Variants in CTNNA3 observed in about 807,000 individuals in gnomAD.
CTNNA3 encodes catenin alpha 3.
A neutral mutation model predicts 95.7 loss-of-function variants in CTNNA3; 76 were observed. The observed-to-expected ratio is 0.79, with a 90% CI of 0.66 to 0.96. CTNNA3 has a LOEUF of 0.96. CTNNA3 is among the 40% of genes least tolerant of loss of function. CTNNA3 has a pLI of 0.00. For missense variants in CTNNA3, 1,191 were observed against 1,089.8 expected, an observed-to-expected ratio of 1.09 and a Z score of -1.31; for synonymous variants, 431 against 374.4, an observed-to-expected ratio of 1.15 and a Z score of -1.74.
At chr10:67,427,367 G>C (rs961707001) in intron 5 of CTNNA3, among the ~76,000 whole-genome samples, 1 of 151,910 alleles carries the variant, frequency 6.6e-6, no homozygotes. Flanking sequence ...GATATGCCAG[G>C]GGAAGGGAGT....
At chr10:66,408,568 A>G (rs997642891) in intron 11 of CTNNA3, among the ~76,000 whole-genome samples, 1 of 152,138 alleles carries the variant, frequency 6.6e-6, no homozygotes, top group Non-Finnish European at 1.5e-5. Context: ...AATTTTAATC[A>G]TCCTTAAGCT....
chr10:67,169,142 G>A (rs763099521), intron 7 of CTNNA3, among the ~76,000 whole-genome samples: 18 of 152,038 alleles, frequency 1.2e-4, no homozygotes, highest in Admixed American at 3.9e-4. Context: ...CAGTGAAGAC[G>A]CAAACAAATG....
intron 15 of CTNNA3, among the ~76,000 whole-genome samples, chr10:66,052,514 G>A (rs2079979922): frequency 6.6e-6 from 1 of 152,146 alleles, no homozygotes; most frequent in South Asian, 2.1e-4. Context: ...CTCAGTGTGT[G>A]CATGTTGTAC....
At chr10:67,421,863 G>T (rs2132869952) in intron 5 of CTNNA3, among the ~76,000 whole-genome samples, 1 of 152,136 alleles carries the variant, frequency 6.6e-6, no homozygotes, top group African/African-American at 2.4e-5. Context: ...GGTGGCATTA[G>T]AATAAACTCA....
At chr10:67,328,418 T>C (rs1310849477) in intron 5 of CTNNA3, among the ~76,000 whole-genome samples, 1 of 152,066 alleles carries the variant, frequency 6.6e-6, no homozygotes, top group African/African-American at 2.4e-5. Flanking sequence ...CCCTGCAGAG[T>C]TCAGGACTGA....
At chr10:66,791,813 C>T (rs1840980476) in intron 7 of CTNNA3, among the ~76,000 whole-genome samples, 1 of 151,884 alleles carries the variant, frequency 6.6e-6, no homozygotes, top group Non-Finnish European at 1.5e-5. Flanking sequence ...GTTTTCTCAT[C>T]AGAGTTAGCA....
chr10:66,383,784 C>T (rs528797146), intron 11 of CTNNA3, among the ~76,000 whole-genome samples: 1 of 152,106 alleles, frequency 6.6e-6, no homozygotes, highest in Non-Finnish European at 1.5e-5. Context: ...AGAGTAGGGG[C>T]CAATATTCAA....
At chr10:67,529,632 T>TA (rs1292347400) in intron 4 of CTNNA3, among the ~76,000 whole-genome samples, 1 of 150,856 alleles carries the variant, frequency 6.6e-6, no homozygotes, top group African/African-American at 2.4e-5. Context: ...CCCTAAAACT[T>TA]AAAGTATAAT....
At chr10:66,549,949 A>T (rs765451471) in intron 10 of CTNNA3, among the ~76,000 whole-genome samples, 2 of 152,184 alleles carry the variant, frequency 1.3e-5, no homozygotes, top group Non-Finnish European at 2.9e-5. Flanking sequence ...CCAGTTGCAT[A>T]TACTACTCTA....
At chr10:67,684,241 C>T (rs1019889348) in intron 1 of CTNNA3, among the ~76,000 whole-genome samples, 2 of 152,140 alleles carry the variant, frequency 1.3e-5, no homozygotes, top group African/African-American at 2.4e-5. Context: ...CTGACTGGTG[C>T]GTTTTTACAG....
intron 9 of CTNNA3, among the ~76,000 whole-genome samples, chr10:66,711,833 G>T (rs1400094482): frequency 6.6e-6 from 1 of 152,070 alleles, no homozygotes; most frequent in African/African-American, 2.4e-5. Context: ...GCCTCTCAAA[G>T]TGCTGGGATT....
At chr10:67,432,481 G>A (rs564938042) in intron 5 of CTNNA3, among the ~76,000 whole-genome samples, 2 of 152,012 alleles carry the variant, frequency 1.3e-5, no homozygotes, top group African/African-American at 4.8e-5. Context: ...TGCTGTAAGA[G>A]AGAATCTCTT....
rs72804772 is a variant in CTNNA3 at position 66,389,058 on chromosome 10, C to T, written c.1532-9706G>A. The stretch of plus-strand genomic sequence containing the variant: ...CTTCATGAAGGCTTGAGCTTTTATG[C>T]CTAGCTACACAGCCTTTAAACTTTT... On this transcript the variant is annotated intron_variant, in intron 11 of 17. Coordinates refer to ENST00000433211, the MANE Select transcript of CTNNA3 (RefSeq NM_013266.4). Among the ~76,000 whole-genome samples, 1,472 of 152,138 alleles carry T rather than the reference C, an allele frequency of 9.7e-3. 14 individuals are homozygous for T. Among genetic ancestry groups the T allele is most frequent in the Middle Eastern group, 0.027 (8 of 294 alleles).
intron 9 of CTNNA3, among the ~76,000 whole-genome samples, chr10:66,662,320 C>G (rs1275346822): frequency 6.6e-6 from 1 of 152,134 alleles, no homozygotes; most frequent in Non-Finnish European, 1.5e-5. Context: ...GCTTACTGGT[C>G]TCTCTGAATT....
chr10:67,567,560 A>G (rs1841850662), intron 3 of CTNNA3, among the ~76,000 whole-genome samples: 1 of 152,090 alleles, frequency 6.6e-6, no homozygotes, highest in Non-Finnish European at 1.5e-5. Flanking sequence ...CAAGTAATAA[A>G]ATTACAGGTG....
chr10:66,338,560 AG>A (rs1220223119), intron 12 of CTNNA3, among the ~76,000 whole-genome samples: 1 of 151,954 alleles, frequency 6.6e-6, no homozygotes, highest in Non-Finnish European at 1.5e-5. Context: ...GTAAAGAAAA[AG>A]CTGAAAACTT....
intron 3 of CTNNA3, among the ~76,000 whole-genome samples, chr10:67,582,491 T>C (rs1420033637): frequency 6.6e-6 from 1 of 151,874 alleles, no homozygotes; most frequent in Non-Finnish European, 1.5e-5. Flanking sequence ...ATGTTGTCAA[T>C]TTTGTAATAA....
At chr10:67,491,220 T>C (rs1386518383) in intron 5 of CTNNA3, among the ~76,000 whole-genome samples, 2 of 152,244 alleles carry the variant, frequency 1.3e-5, no homozygotes, top group African/African-American at 2.4e-5. Flanking sequence ...CAGATATAGA[T>C]AGAAATAAGA....
At chr10:66,497,710 C>G (rs1840145400) in intron 11 of CTNNA3, among the ~76,000 whole-genome samples, 1 of 151,978 alleles carries the variant, frequency 6.6e-6, no homozygotes, top group Non-Finnish European at 1.5e-5. Flanking sequence ...GATAGAAAAG[C>G]AGAAATAGAA....
Sources: gnomAD v4.1 joint callset for allele counts (sites outside exome capture counted in the v4.1 genomes callset) on GRCh38, gnomAD v4.1.1 for gene constraint, MANE v1.5 for transcripts, NCBI Gene and HGNC (gene_info 2026-07-23, HGNC 2026-07-21) for gene names.